The following ANKRD30B variants were observed in gnomAD, a reference collection of about 807,000 sequenced individuals.
The protein encoded by ANKRD30B is ankyrin repeat domain-containing protein 30B.
In ANKRD30B, 144 loss-of-function variants were observed where a neutral mutation model predicts 202.2. The observed-to-expected ratio is 0.71, with a 90% CI of 0.62 to 0.82. The LOEUF (loss-of-function observed/expected upper bound fraction) is 0.82, where lower values mean the gene tolerates loss of function less well. ANKRD30B is among the 40% of genes least tolerant of loss of function. The pLI is 0.00. For synonymous variants in ANKRD30B, 508 were observed against 561.3 expected (o/e 0.91, Z 1.34); for missense variants, 1,487 against 1,669.1 (o/e 0.89, Z 1.90).
At chr18:14,752,005 A>G (rs1257587265) in intron 1 of ANKRD30B, among the ~76,000 whole-genome samples, 2 of 152,218 alleles carry the variant, frequency 1.3e-5, no homozygotes, top group African/African-American at 4.8e-5. Context: ...AGATGTTAAA[A>G]TATGAGCAAT....
intron 3 of ANKRD30B, among the ~76,000 whole-genome samples, chr18:14,754,122 T>A (rs551826188): frequency 1.3e-5 from 2 of 152,276 alleles, no homozygotes; most frequent in South Asian, 2.1e-4. Context: ...TAATAAGCAG[T>A]CAAAGTTCAT....
intron 30 of ANKRD30B, among the ~76,000 whole-genome samples, chr18:14,818,709 G>A (rs1227322531): frequency 1.3e-5 from 2 of 151,896 alleles, no homozygotes; most frequent in East Asian, 3.9e-4. Flanking sequence ...TTTTATGGCT[G>A]CATAGAATTC....
At chr18:14,752,508 G>C in intron 1 of ANKRD30B, 58 bp from the exon 2 acceptor site, 2 of 1,286,852 alleles carry the variant, frequency 1.6e-6, no homozygotes, top group Non-Finnish European at 1.1e-6. Flanking sequence ...TACCTAAATC[G>C]TTGTATGTTT....
the ANKRD30B span, among the ~76,000 whole-genome samples, chr18:14,926,146 G>C: frequency 6.6e-6 from 1 of 152,332 alleles, no homozygotes; most frequent in East Asian, 1.9e-4. Context: ...CTCTGCGGCA[G>C]TTGGAGTCCC....
At chr18:14,917,259 T>G in the ANKRD30B span, among the ~76,000 whole-genome samples, 1 of 152,238 alleles carries the variant, frequency 6.6e-6, no homozygotes, top group African/African-American at 2.4e-5. Flanking sequence ...GGTCTTTCTC[T>G]CTCCCTGCTT....
intron 41 of ANKRD30B, among the ~76,000 whole-genome samples, chr18:14,850,915 T>G (rs1971855564): frequency 6.6e-6 from 1 of 151,898 alleles, no homozygotes; most frequent in Non-Finnish European, 1.5e-5. Context: ...TACAACTTGA[T>G]TATATTTTTA....
the ANKRD30B span, among the ~76,000 whole-genome samples, chr18:14,930,606 A>G: frequency 1.3e-5 from 2 of 151,968 alleles, no homozygotes; most frequent in African/African-American, 4.8e-5. Context: ...GACACACCAC[A>G]CTCCTATTGT....
rs763228009 is a variant in ANKRD30B, at chr18:14,814,636, C to G, written c.2566C>G (p.Leu856Val). The change falls in exon 30 of 44, where the codon CTC becomes GTC. Residue 856 changes from leucine to valine, a missense_variant. Leu to Val is a conservative substitution (Grantham distance 32). Coordinates refer to ENST00000690538, the MANE Select transcript of ANKRD30B (RefSeq NM_001367607.2). ...CTTTTAACAGAGTTTCCTTGAGGCT[C>G]TCTTACAGAATGATGGGTGTTTACC... ...SWDFESFLEA[L>V]LQNDGCLPKA... 3.3e-6 allele frequency: 4 copies of G among 1,197,548 alleles called. No homozygotes were observed. The highest frequency in any genetic ancestry group is 1.3e-5 in the South Asian group (1 of 76,202). The allele number at this position is 1,197,548 out of a possible 1,614,324, so 74.2% of individuals were successfully genotyped here. A position where few individuals can be genotyped will look rare whatever the true frequency, so the allele number is the denominator to read the frequency against.
At chr18:14,771,104 G>A (rs1489438647) in intron 8 of ANKRD30B, among the ~76,000 whole-genome samples, 1 of 152,206 alleles carries the variant, frequency 6.6e-6, no homozygotes, top group Non-Finnish European at 1.5e-5. Context: ...TATGCTGGAG[G>A]TGAATGACTG....
chr18:14,864,709 T>A, the ANKRD30B span, among the ~76,000 whole-genome samples: 1 of 151,686 alleles, frequency 6.6e-6, no homozygotes, highest in African/African-American at 2.4e-5. Context: ...ATTTCCCTCA[T>A]CTTTTCCCAA....
chr18:14,886,332 C>A, the ANKRD30B span, among the ~76,000 whole-genome samples: 1 of 151,844 alleles, frequency 6.6e-6, no homozygotes, highest in African/African-American at 2.4e-5. Context: ...GGGATGGAGG[C>A]CCCTTACAGT....
chr18:14,796,731 G>T (rs185717047), intron 18 of ANKRD30B, among the ~76,000 whole-genome samples: 10 of 151,182 alleles, frequency 6.6e-5, no homozygotes, highest in African/African-American at 2.4e-4. Context: ...GTGAAAGCTG[G>T]GTCCAGGGGA....
intron 36 of ANKRD30B, among the ~76,000 whole-genome samples, chr18:14,840,299 A>C (rs1392238916): frequency 6.6e-6 from 1 of 152,178 alleles, no homozygotes; most frequent in Non-Finnish European, 1.5e-5. Flanking sequence ...ATATTTTCGG[A>C]GGGCGAGGTG....
rs1454864765 is a variant in ANKRD30B, at chr18:14,748,282, GGTGCGGGAACTGAAGACGGGCGA to G, written c.-132_-110del. ...AGAAATTTCTGCTGGTGTTGGGGCGGGTGCGGGAACTGAAGACGGGCGAGTGCGAGCCGGGGGCGGGTGCTGGG... is the reference window on the plus strand; with the variant it reads ...AGAAATTTCTGCTGGTGTTGGGGCGGGTGCGAGCCGGGGGCGGGTGCTGGG... On this transcript the variant is annotated 5_prime_UTR_variant, in exon 1 of 44. Transcript: ENST00000690538. 6.4e-6 allele frequency: 4 copies of G among 628,256 alleles called. No homozygotes were observed. Among genetic ancestry groups the G allele is most frequent in the Non-Finnish European group, 1.1e-5 (4 of 379,206 alleles). 38.9% of individuals were successfully genotyped at this position (628,256 alleles called of 1,614,324 possible). A position where few individuals can be genotyped will look rare whatever the true frequency, so the allele number is the denominator to read the frequency against.
intron 14 of ANKRD30B, 47 bp from the exon 15 acceptor site, chr18:14,786,992 A>C (rs376653073): frequency 6.4e-7 from 1 of 1,555,574 alleles, no homozygotes; most frequent in East Asian, 2.3e-5. Context: ...TAAAATTTAT[A>C]GTAGAGAAAT....
At chr18:14,844,693 CCCA>C (rs1395498502) in intron 39 of ANKRD30B, among the ~76,000 whole-genome samples, 15 of 152,312 alleles carry the variant, frequency 9.8e-5, no homozygotes, top group African/African-American at 3.4e-4. Flanking sequence ...AGTTTACACT[CCCA>C]CCAACAGTGT....
intron 11 of ANKRD30B, 139 bp downstream of exon 11, chr18:14,780,160 C>A: frequency 1.4e-6 from 1 of 702,842 alleles, no homozygotes; most frequent in Non-Finnish European, 2.4e-6. Flanking sequence ...TAAAAACATA[C>A]TTGGCTGGGT....
At chr18:14,797,158 C>A (rs982514489) in intron 18 of ANKRD30B, among the ~76,000 whole-genome samples, 3 of 152,046 alleles carry the variant, frequency 2.0e-5, no homozygotes. Context: ...CTAGAAGAGC[C>A]GTGGCAAGAT....
chr18:14,760,692 A>G, intron 6 of ANKRD30B, 74 bp downstream of exon 6: 10 of 1,119,880 alleles, frequency 8.9e-6, no homozygotes, highest in Non-Finnish European at 1.3e-5. Flanking sequence ...ACAAAAAAGC[A>G]ATTCAAAAAG....
Sources: gnomAD v4.1 joint callset for allele counts (sites outside exome capture counted in the v4.1 genomes callset) on GRCh38, gnomAD v4.1.1 for gene constraint, MANE v1.5 for transcripts, NCBI Gene and HGNC (gene_info 2026-07-23, HGNC 2026-07-21) for gene names.